EPS8: variants seen among roughly 807,000 people sequenced by gnomAD.
EPS8 encodes the protein EGFR pathway substrate 8, signaling adaptor.
In EPS8, 42 loss-of-function variants were observed where a neutral mutation model predicts 103.8. The ratio of observed to expected loss-of-function variants is 0.40; its 90% CI spans 0.32 to 0.52. The LOEUF (loss-of-function observed/expected upper bound fraction) is 0.52, where lower values mean the gene tolerates loss of function less well. EPS8 is among the 20% of genes least tolerant of loss of function. The probability of loss-of-function intolerance (pLI) is 0.40; values close to 1 mark genes in which losing one functional copy is unlikely to be tolerated. For synonymous variants in EPS8, 344 were observed against 344.6 expected (o/e 1.00, Z 0.02); for missense variants, 969 against 1,005.1 (o/e 0.96, Z 0.49).
At chr12:15,712,838 T>C (rs2950433) in intron 1 of EPS8, 971,051 of 984,356 alleles carry the variant, frequency 0.99, 480,083 homozygotes, top group East Asian at 1. Flanking sequence ...TATTAACAAA[T>C]TCAAACTTAC....
At chr12:15,634,855 C>G in intron 17 of EPS8, 1 of 396,802 alleles carries the variant, frequency 2.5e-6, no homozygotes, top group Non-Finnish European at 4.4e-6. Flanking sequence ...CATCAAATAT[C>G]AGAAAGAGTA....
At position 15,772,880 on chromosome 12, in the gene EPS8, G is replaced by A. The variant is rs901474963; in HGVS notation, c.-22+16281C>T. 3.9e-5 allele frequency among the ~76,000 whole-genome samples: 6 copies of A among 152,104 alleles called. No individual in the cohort carries two copies. The highest frequency in any genetic ancestry group is 2.1e-4 in the South Asian group (1 of 4,830). The stretch of plus-strand genomic sequence containing the variant: ...TAAATGGTAAAAATTCATAGTGAAC[G>A]AGACACAGTTTATGTCCTCAAAGAG... On this transcript the variant is annotated intron_variant, in intron 1 of 20. Coordinates refer to ENST00000281172, the MANE Select transcript of EPS8 (RefSeq NM_004447.6). This position sits in a 1 kb window ranked among gnomAD's most constrained non-coding sequence, Gnocchi z 5.0.
In EPS8 at chr12:15,654,259, C is replaced by G. The variant is rs779262527; in HGVS notation, c.1136G>C (p.Ser379Thr). ...VQATGGPELASSVLSPLLNKD... is the reference protein window; with the variant it reads ...VQATGGPELATSVLSPLLNKD... ...ATTCAATAGGGGACTAAGTACTGAA[C>G]TGGCTAGTTCAGGACCTCCTGTTGC... Residue 379 changes from serine to threonine, a missense_variant, in exon 13 of 21, where the codon AGT becomes ACT. Ser to Thr is a moderately conservative substitution (Grantham distance 58). Coordinates refer to ENST00000281172, the MANE Select transcript of EPS8 (RefSeq NM_004447.6). 1.2e-6 allele frequency: 2 copies of G among 1,613,608 alleles called. No individual in the cohort carries two copies. The highest frequency in any genetic ancestry group is 1.3e-5 in the African/African-American group (1 of 75,000).
chr12:15,741,372 T>C (rs1365789951), intron 1 of EPS8, among the ~76,000 whole-genome samples: 4 of 152,130 alleles, frequency 2.6e-5, no homozygotes, highest in African/African-American at 4.8e-5. Flanking sequence ...GATGCCACTT[T>C]AGGTGGGTGA....
chr12:15,658,031 T>TA, intron 12 of EPS8, 48 bp downstream of exon 12: 3 of 1,200,528 alleles, frequency 2.5e-6, no homozygotes, highest in East Asian at 2.4e-5. Context: ...CACTTGGGGT[T>TA]AAAAAATATA....
chr12:15,686,938 A>G (rs1591857257), intron 1 of EPS8, among the ~76,000 whole-genome samples: 2 of 152,192 alleles, frequency 1.3e-5, no homozygotes, highest in Middle Eastern at 6.8e-3. Context: ...GTGTGTTTGG[A>G]TATGATATTG....
chr12:15,723,691 C>T (rs371502299), intron 1 of EPS8, among the ~76,000 whole-genome samples: 12 of 152,252 alleles, frequency 7.9e-5, no homozygotes, highest in African/African-American at 2.9e-4. Flanking sequence ...AAGTTAAAAA[C>T]CACATCTGTT....
At chr12:15,677,277 G>T (rs1384324095) in intron 3 of EPS8, among the ~76,000 whole-genome samples, 1 of 152,036 alleles carries the variant, frequency 6.6e-6, no homozygotes, top group African/African-American at 2.4e-5. Flanking sequence ...GAGGAAACTG[G>T]GGCCAATCAT....
chr12:15,782,491 C>T (rs904172718), intron 1 of EPS8, among the ~76,000 whole-genome samples: 6 of 151,998 alleles, frequency 3.9e-5, no homozygotes, highest in African/African-American at 1.4e-4. Flanking sequence ...GACAGTGAGA[C>T]TCTGTCTCAA....
chr12:15,641,621 T>C (rs1945231734), intron 16 of EPS8, 101 bp downstream of exon 16: 2 of 522,206 alleles, frequency 3.8e-6, no homozygotes, highest in Non-Finnish European at 6.6e-6. Context: ...ACTACGTCTT[T>C]AGTAATATAA....
intron 1 of EPS8, among the ~76,000 whole-genome samples, chr12:15,758,333 T>C (rs1238284759): frequency 1.3e-5 from 2 of 152,164 alleles, no homozygotes; most frequent in African/African-American, 4.8e-5. Flanking sequence ...AAGACAAATC[T>C]ATAACGTAGA....
intron 8 of EPS8, among the ~76,000 whole-genome samples, chr12:15,663,941 A>ACTAATAATAATAAT (rs71042266): frequency 1.4e-5 from 1 of 73,280 alleles, no homozygotes; most frequent in Non-Finnish European, 2.5e-5. Flanking sequence ...AAAAAAAAAA[A>ACTAATAATAATAAT]AAAAATAATA....
intron 2 of EPS8, among the ~76,000 whole-genome samples, chr12:15,682,615 G>GA (rs1056320406): frequency 6.6e-6 from 1 of 152,106 alleles, no homozygotes; most frequent in Non-Finnish European, 1.5e-5. Context: ...ATTCAACCAT[G>GA]AAAAGCAAGA....
rs1398439715 is a variant in EPS8, at chr12:15,696,036, G to A, written c.-21-13064C>T. Among the ~76,000 whole-genome samples, 1 of 152,192 alleles carries A rather than the reference G, an allele frequency of 6.6e-6. No individual in the cohort carries two copies. Among genetic ancestry groups the A allele is most frequent in the Non-Finnish European group, 1.5e-5 (1 of 68,030 alleles). On this transcript the variant is annotated intron_variant, in intron 1 of 20. Transcript: ENST00000281172. This position sits in a 1 kb window ranked among gnomAD's most constrained non-coding sequence, Gnocchi z 4.8. Reference sequence around the variant, plus strand: ...CTAGCTATGAACTTCTCAAAAGTATGGGACTGAGAGATTCATTCTGAAAAT... The same window carrying A: ...CTAGCTATGAACTTCTCAAAAGTATAGGACTGAGAGATTCATTCTGAAAAT...
Position 15,764,149 on chromosome 12 carries a change from G to A in EPS8, c.-22+25012C>T, listed in dbSNP as rs1210695144. On this transcript the variant is annotated intron_variant, in intron 1 of 20. Transcript: ENST00000281172. This position sits in a 1 kb window ranked among gnomAD's most constrained non-coding sequence, Gnocchi z 4.1. ...GAGCAAAGTAACATCTTACATGGTA[G>A]CAGGCAAGAGAGCATATGCAGGGGA... 6.6e-6 allele frequency among the ~76,000 whole-genome samples: 1 copy of A among 152,168 alleles called. No individual in the cohort carries two copies. The highest frequency in any genetic ancestry group is 1.5e-5 in the Non-Finnish European group (1 of 68,028).
rs182740674 is a variant in EPS8, at chr12:15,626,781, G to A, written c.2045-2374C>T. 1.4e-3 allele frequency among the ~76,000 whole-genome samples: 206 copies of A among 151,972 alleles called. 1 individual carries two copies. The highest frequency in any genetic ancestry group is 4.8e-3 in the African/African-American group (197 of 41,454). On this transcript the variant is annotated intron_variant, in intron 18 of 20. Transcript: ENST00000281172. ...AACTCTTCTGGAGCCCTTCACTCTTGCTCCCAATGGCTCCCTTGGTGCTCT... is the reference window on the plus strand; with the variant it reads ...AACTCTTCTGGAGCCCTTCACTCTTACTCCCAATGGCTCCCTTGGTGCTCT...
rs1020427838 is a variant in EPS8 at position 15,757,311 on chromosome 12, A to T, written c.-22+31850T>A. The stretch of plus-strand genomic sequence containing the variant: ...CTTTCCTTCAGATTGCATATTAATA[A>T]CAAAGAGGTAAAGGTATTTATTTAA... On this transcript the variant is annotated intron_variant, in intron 1 of 20. Transcript: ENST00000281172. The surrounding 1 kb of genome is among the most constrained non-coding windows in gnomAD (Gnocchi z 4.1). 6.6e-6 allele frequency among the ~76,000 whole-genome samples: 1 copy of T among 152,184 alleles called. No individual in the cohort carries two copies. The highest frequency in any genetic ancestry group is 2.4e-5 in the African/African-American group (1 of 41,446).
chr12:15,752,850 C>G lies in EPS8; in HGVS notation c.-22+36311G>C, dbSNP rs1480983142. On this transcript the variant is annotated intron_variant, in intron 1 of 20. Transcript: ENST00000281172. The surrounding 1 kb of genome is among the most constrained non-coding windows in gnomAD (Gnocchi z 4.4). ...TTAAAAATACCTTTGAATCCACTAT[C>G]TCATTGCATTATCATAAAATCCTAT... Among the ~76,000 whole-genome samples, 1 of 152,104 alleles carries G rather than the reference C, an allele frequency of 6.6e-6. No individual in the cohort carries two copies. The highest frequency in any genetic ancestry group is 1.5e-5 in the Non-Finnish European group (1 of 68,014).
At chr12:15,754,273 AACT>A (rs1238985925) in intron 1 of EPS8, among the ~76,000 whole-genome samples, 1 of 152,200 alleles carries the variant, frequency 6.6e-6, no homozygotes, top group Non-Finnish European at 1.5e-5. Context: ...TTGTTCTATA[AACT>A]CCAAGAATCC....
Sources: gnomAD v4.1 joint callset for allele counts (sites outside exome capture counted in the v4.1 genomes callset) on GRCh38, gnomAD v4.1.1 for gene constraint, Gnocchi (gnomAD v3.1) non-coding constraint, MANE v1.5 for transcripts, NCBI Gene and HGNC (gene_info 2026-07-23, HGNC 2026-07-21) for gene names.